The following ESR1 variants were observed in gnomAD, a reference collection of about 807,000 sequenced individuals.
ESR1 encodes the protein estrogen receptor 1.
Under a neutral mutation model 52.7 loss-of-function variants are expected in ESR1, and 12 were observed. The ratio of observed to expected loss-of-function variants is 0.23; its 90% confidence interval spans 0.15 to 0.37. The LOEUF (loss-of-function observed/expected upper bound fraction) is 0.37, where lower values mean the gene tolerates loss of function less well. Ranked by LOEUF, ESR1 falls within the 10% of genes least tolerant of loss-of-function variation. ESR1 has a pLI of 1.00. For synonymous variants in ESR1, 305 were observed against 316.8 expected (o/e 0.96, Z 0.39); for missense variants, 584 against 779.7 (o/e 0.75, Z 2.99).
chr6:151,792,941 C>G (rs1369002256), intron 2 of ESR1, among the ~76,000 whole-genome samples: 1 of 151,942 alleles, frequency 6.6e-6, no homozygotes. Context: ...GAGGCCGAGG[C>G]GGGCAGATCA....
At chr6:151,709,051 G>A (rs1780384070) in intron 2 of ESR1, among the ~76,000 whole-genome samples, 1 of 152,020 alleles carries the variant, frequency 6.6e-6, no homozygotes, top group African/African-American at 2.4e-5. Context: ...TTGTACAGTG[G>A]ATCTCTTGCA....
chr6:151,920,522 A>T (rs2031421918), intron 3 of ESR1, among the ~76,000 whole-genome samples: 1 of 151,970 alleles, frequency 6.6e-6, no homozygotes, highest in African/African-American at 2.4e-5. Context: ...TTTTCCTCTA[A>T]TGTTCTTTTT....
chr6:151,944,893 C>G lies in ESR1; in HGVS notation c.1096+385C>G, dbSNP rs183679862. On this transcript the variant is annotated intron_variant, in intron 4 of 7. Coordinates refer to ENST00000206249, the MANE Select transcript of ESR1 (RefSeq NM_000125.4). ...TTAATGACCTTTGTTGAAAACATCT[C>G]AATTATTAATCAAACGATTTTATCT... 7.4e-4 allele frequency among the ~76,000 whole-genome samples: 113 copies of G among 152,258 alleles called. 1 individual carries two copies. Among genetic ancestry groups the G allele is most frequent in the Admixed American group, 2.6e-4 (4 of 15,294 alleles).
At chr6:151,834,334 GTGGCACATA>G (rs1480529741) in intron 1 of ESR1, among the ~76,000 whole-genome samples, 1 of 152,206 alleles carries the variant, frequency 6.6e-6, no homozygotes, top group Non-Finnish European at 1.5e-5. Flanking sequence ...TAAAGAAAAT[GTGGCACATA>G]TACACCATGG....
intron 4 of ESR1, among the ~76,000 whole-genome samples, chr6:151,993,293 TG>T (rs898634574): frequency 1.3e-5 from 2 of 152,184 alleles, no homozygotes; most frequent in Non-Finnish European, 2.9e-5. Context: ...AAAGTGCTGC[TG>T]ACATACTGTC....
chr6:151,843,236 T>A (rs1339778107), intron 2 of ESR1, among the ~76,000 whole-genome samples: 4 of 152,244 alleles, frequency 2.6e-5, no homozygotes, highest in Admixed American at 6.5e-5. Flanking sequence ...TGTTTTGTTC[T>A]AGTTTAGCTT....
chr6:151,880,893 A>G (rs1792797019), intron 3 of ESR1, 122 bp downstream of exon 3: 1 of 662,806 alleles, frequency 1.5e-6, no homozygotes, highest in South Asian at 1.7e-5. Context: ...TTTTTTTTCT[A>G]TTCTTATTTT....
intron 3 of ESR1, among the ~76,000 whole-genome samples, chr6:151,938,132 A>G (rs1446049404): frequency 6.6e-6 from 1 of 152,240 alleles, no homozygotes; most frequent in African/African-American, 2.4e-5. Context: ...TGATTATGCA[A>G]ATGTTTGAAA....
chr6:151,783,343 AT>A (rs1786726831), intron 2 of ESR1, among the ~76,000 whole-genome samples: 1 of 152,156 alleles, frequency 6.6e-6, no homozygotes, highest in Admixed American at 6.5e-5. Context: ...AGGGCACGCA[AT>A]TTGTTGTCAG....
intron 2 of ESR1, among the ~76,000 whole-genome samples, chr6:151,848,403 C>T (rs1234371670): frequency 7.6e-6 from 1 of 131,744 alleles, no homozygotes; most frequent in Non-Finnish European, 1.6e-5. Flanking sequence ...GGGTGCAGCG[C>T]ACCAGCATGG....
At chr6:152,075,605 C>A (rs1007451371) in intron 6 of ESR1, among the ~76,000 whole-genome samples, 2 of 152,190 alleles carry the variant, frequency 1.3e-5, no homozygotes, top group African/African-American at 4.8e-5. Context: ...AGAGAATTCT[C>A]AGCCACTTCA....
In ESR1 at chr6:151,692,593, G is replaced by A. The variant is rs552867435; in HGVS notation, c.-202+1929G>A. 3.9e-5 allele frequency among the ~76,000 whole-genome samples: 6 copies of A among 152,282 alleles called. No individual in the cohort carries two copies. The East Asian group carries it at 1.2e-3, about 29-fold the overall frequency. Reference sequence around the variant, plus strand: ...CTGTCCATCCACCTCTATCAGGAGAGGGTCTCCATTGTTAATCTCCGAGAA... The same window carrying A: ...CTGTCCATCCACCTCTATCAGGAGAAGGTCTCCATTGTTAATCTCCGAGAA... On this transcript the variant is annotated intron_variant, in intron 1 of 2. Coordinates refer to the ESR1 transcript ENST00000404742.
rs1266330458 is a variant in ESR1, at chr6:152,099,662, C to A, written c.*696C>A. The A allele has an allele frequency of 3.9e-6, 1 of 258,166 alleles. No individual in the cohort carries two copies. The highest frequency in any genetic ancestry group is 2.2e-5 in the African/African-American group (1 of 46,198). 16.0% of individuals were successfully genotyped at this position (258,166 alleles called of 1,614,324 possible). On this transcript the variant is annotated 3_prime_UTR_variant, in exon 8 of 8. Coordinates refer to ENST00000206249, the MANE Select transcript of ESR1 (RefSeq NM_000125.4). Reference sequence around the variant, plus strand: ...TGCTGAAAGCTCTGCCTCTGGCTTTCCGGTCATGGGTTCCAGTTAATTCAT... The same window carrying A: ...TGCTGAAAGCTCTGCCTCTGGCTTTACGGTCATGGGTTCCAGTTAATTCAT...
intron 3 of ESR1, among the ~76,000 whole-genome samples, chr6:151,943,861 A>C (rs1461457585): frequency 6.6e-6 from 1 of 152,202 alleles, no homozygotes; most frequent in African/African-American, 2.4e-5. Flanking sequence ...ACCAAAGCCT[A>C]CTGTTCAATT....
chr6:152,048,849 A>G (rs1041145897), intron 5 of ESR1, among the ~76,000 whole-genome samples: 14 of 152,228 alleles, frequency 9.2e-5, no homozygotes, highest in African/African-American at 3.4e-4. Context: ...GCTCTCAGAT[A>G]TATAACATAG....
chr6:151,880,590 C>A, intron 2 of ESR1, 65 bp from the exon 3 acceptor site: 1 of 972,390 alleles, frequency 1.0e-6, no homozygotes, highest in Non-Finnish European at 1.7e-6. Flanking sequence ...AAAAGGTTTC[C>A]CTGTAGATTC....
At chr6:151,878,325 T>C (rs1792213087) in intron 2 of ESR1, among the ~76,000 whole-genome samples, 1 of 152,234 alleles carries the variant, frequency 6.6e-6, no homozygotes, top group African/African-American at 2.4e-5. Flanking sequence ...AATAACTGTG[T>C]CTGGATATCT....
At chr6:151,981,514 A>G (rs2039989872) in intron 4 of ESR1, among the ~76,000 whole-genome samples, 1 of 152,188 alleles carries the variant, frequency 6.6e-6, no homozygotes, top group Non-Finnish European at 1.5e-5. Context: ...TAAAGTTGCT[A>G]TATTATTTTT....
intron 2 of ESR1, among the ~76,000 whole-genome samples, chr6:151,732,886 GT>G (rs1782363293): frequency 6.6e-6 from 1 of 152,118 alleles, no homozygotes; most frequent in South Asian, 2.1e-4. Flanking sequence ...TTTTGACTTT[GT>G]GAATCTAACC....
Sources: allele counts gnomAD v4.1 joint callset (sites outside exome capture counted in the v4.1 genomes callset), GRCh38; gene constraint gnomAD v4.1.1; transcripts MANE v1.5; gene names NCBI Gene and HGNC (gene_info 2026-07-23, HGNC 2026-07-21).